Variants in GIPC2 observed in about 807,000 individuals in gnomAD.
The protein encoded by GIPC2 is GIPC PDZ domain containing family member 2.
GIPC2 carries 30 observed loss-of-function variants against 30.6 expected under a neutral mutation model. That is an observed-to-expected ratio of 0.98 (90% CI 0.73 to 1.33). GIPC2 has a LOEUF of 1.33. Ranked by LOEUF, GIPC2 falls within the 40% of genes most tolerant of loss-of-function variation. GIPC2 has a pLI of 0.00. For synonymous variants in GIPC2, 167 were observed against 150.0 expected, an observed-to-expected ratio of 1.11 and a Z score of -0.83; for missense variants, 414 against 390.3, an observed-to-expected ratio of 1.06 and a Z score of -0.51.
Position 78,046,201 on chromosome 1 carries a change from G to A in GIPC2, c.107G>A (p.Arg36Gln), listed in dbSNP as rs1021123141. The change falls in exon 1 of 6, where the codon CGG (arginine) becomes CAG (glutamine). Residue 36 changes from arginine (R) to glutamine (Q), a missense_variant. Physicochemically the swap from Arg to Gln is conservative, Grantham distance 43. Transcript: ENST00000370759. Reference sequence around the variant, plus strand: ...GGCGGCGGGAGCCTCTCAGCGTCCCGGGCTCCCGCACGCAGGCTGGTCTTC... The same window carrying A: ...GGCGGCGGGAGCCTCTCAGCGTCCCAGGCTCCCGCACGCAGGCTGGTCTTC... Reference protein sequence around the residue: ...GAGGGSLSASRAPARRLVFHA... With the variant: ...GAGGGSLSASQAPARRLVFHA... 6.3e-7 allele frequency: 1 copy of A among 1,587,668 alleles called. No individual in the cohort carries two copies. The highest frequency in any genetic ancestry group is 8.6e-7 in the Non-Finnish European group (1 of 1,168,932).
At chr1:78,091,619 G>T in intron 2 of GIPC2, 1 of 768,354 alleles carries the variant, frequency 1.3e-6, no homozygotes, top group Non-Finnish European at 2.4e-6. Flanking sequence ...CGTCGTGTCT[G>T]CCATCCCCAT....
At chr1:78,095,923 C>G (rs1193682603) in intron 3 of GIPC2, among the ~76,000 whole-genome samples, 1 of 152,118 alleles carries the variant, frequency 6.6e-6, no homozygotes, top group Non-Finnish European at 1.5e-5. Context: ...TAGTTTGTCT[C>G]TAATGCCATT....
In GIPC2 at chr1:78,097,466, G is replaced by A. The variant is rs534714892; in HGVS notation, c.607+2334G>A. 1.1e-4 allele frequency among the ~76,000 whole-genome samples: 16 copies of A among 152,228 alleles called. No homozygotes were observed. In the East Asian group the frequency reaches 1.9e-3, roughly 18 times the overall value. ...TCCTACCAACTTCCCTAAAGACTTA[G>A]CCTGGAGAGGCATGTGGACTATATC... is the stretch of plus-strand genomic sequence containing the variant. On this transcript the variant is annotated intron_variant, in intron 3 of 5. Transcript: ENST00000370759.
intron 3 of GIPC2, among the ~76,000 whole-genome samples, chr1:78,109,943 C>T (rs1662431351): frequency 6.6e-6 from 1 of 151,918 alleles, no homozygotes; most frequent in South Asian, 2.1e-4. Context: ...AAGGACAAAA[C>T]ACCAAACACT....
At chr1:78,085,040 C>A (rs1051513870) in intron 2 of GIPC2, among the ~76,000 whole-genome samples, 1 of 152,038 alleles carries the variant, frequency 6.6e-6, no homozygotes. Flanking sequence ...ATGCTTCTGG[C>A]TTTTTTCCAT....
At chr1:78,067,251 T>A (rs1661534856) in intron 1 of GIPC2, among the ~76,000 whole-genome samples, 1 of 152,066 alleles carries the variant, frequency 6.6e-6, no homozygotes, top group Non-Finnish European at 1.5e-5. Context: ...TGGGTTTGAT[T>A]CCTGTAGATG....
intron 1 of GIPC2, among the ~76,000 whole-genome samples, chr1:78,076,926 G>T (rs913203343): frequency 1.7e-4 from 26 of 151,808 alleles, no homozygotes; most frequent in Non-Finnish European, 3.2e-4. Flanking sequence ...CTGCCACCAT[G>T]CCTGGCTATT....
At chr1:78,089,278 C>T (rs571988) in intron 2 of GIPC2, among the ~76,000 whole-genome samples, 34,058 of 152,074 alleles carry the variant, frequency 0.22, 4,147 homozygotes, top group East Asian at 0.49. Context: ...GGCTGTGTAA[C>T]ATTGGCCAAG....
chr1:78,082,050 A>G (rs1410383518), intron 2 of GIPC2, among the ~76,000 whole-genome samples: 3 of 152,150 alleles, frequency 2.0e-5, no homozygotes, highest in Non-Finnish European at 2.9e-5. Context: ...TGAACTTCAT[A>G]TAATCATATA....
intron 1 of GIPC2, among the ~76,000 whole-genome samples, chr1:78,052,457 C>T (rs992430124): frequency 2.0e-5 from 3 of 152,220 alleles, no homozygotes; most frequent in South Asian, 4.1e-4. Context: ...CTCACCAATT[C>T]AGTAGTTAAA....
At chr1:78,046,593 A>G (rs183708110) in intron 1 of GIPC2, among the ~76,000 whole-genome samples, 28 of 152,024 alleles carry the variant, frequency 1.8e-4, no homozygotes, top group Middle Eastern at 3.4e-3. Context: ...GAGGGAGGCA[A>G]CCTTTCTTCC....
At chr1:78,111,995 T>C (rs2100413190) in intron 3 of GIPC2, among the ~76,000 whole-genome samples, 1 of 152,340 alleles carries the variant, frequency 6.6e-6, no homozygotes, top group Non-Finnish European at 1.5e-5. Context: ...AGAGCATTAC[T>C]TACAAGCATC....
At chr1:78,091,434 C>T (rs1037751629) in intron 2 of GIPC2, 2 of 579,930 alleles carry the variant, frequency 3.4e-6, no homozygotes, top group Non-Finnish European at 6.2e-6. Flanking sequence ...AGGGGCGGAG[C>T]CAGGGGCCTT....
At chr1:78,091,182 T>G (rs1662030346) in intron 2 of GIPC2, among the ~76,000 whole-genome samples, 1 of 152,242 alleles carries the variant, frequency 6.6e-6, no homozygotes, top group Admixed American at 6.5e-5. Flanking sequence ...TATTGTGGCT[T>G]AAATTCCTCA....
rs565046927 is a variant in GIPC2, at chr1:78,046,327, C to A, written c.233C>A (p.Pro78Gln). The A allele has an allele frequency of 2.9e-4, 461 of 1,610,204 alleles. 6 individuals are homozygous for A. The South Asian group carries it at 4.8e-3, about 17-fold the overall frequency. The change falls in exon 1 of 6, where the codon CCG becomes CAG. Residue 78 changes from proline (P) to glutamine (Q), a missense_variant. Coordinates refer to ENST00000370759, the MANE Select transcript of GIPC2 (RefSeq NM_017655.6). ...AQIAGAFEIS[P>Q]SEILYCTLNT... is the part of the protein sequence containing the mutation. ...ATCGCGGGCGCGTTTGAAATCTCGC[C>A]GTCGGAGGTAAGGCGCCAGGTGCTC...
intron 3 of GIPC2, among the ~76,000 whole-genome samples, chr1:78,108,896 T>C (rs1662411819): frequency 6.6e-6 from 1 of 152,152 alleles, no homozygotes; most frequent in Non-Finnish European, 1.5e-5. Flanking sequence ...GAGACCATGG[T>C]AAACCCTACT....
intron 5 of GIPC2, among the ~76,000 whole-genome samples, chr1:78,132,936 G>A (rs999944618): frequency 6.6e-6 from 1 of 152,070 alleles, no homozygotes. Flanking sequence ...TACCTGTAAA[G>A]CCTATGAGAA....
At chr1:78,081,300 G>T (rs1487965425) in intron 2 of GIPC2, among the ~76,000 whole-genome samples, 1 of 152,118 alleles carries the variant, frequency 6.6e-6, no homozygotes, top group Non-Finnish European at 1.5e-5. Flanking sequence ...GTATCTGTAG[G>T]TTCTGTATTA....
chr1:78,130,982 T>TAAA (rs200828497), intron 5 of GIPC2, among the ~76,000 whole-genome samples: 1 of 151,402 alleles, frequency 6.6e-6, no homozygotes, highest in African/African-American at 2.4e-5. Flanking sequence ...CTATATGTGG[T>TAAA]AAAAAAAAAT....
Sources: gnomAD v4.1 joint callset for allele counts (sites outside exome capture counted in the v4.1 genomes callset) on GRCh38, gnomAD v4.1.1 for gene constraint, MANE v1.5 for transcripts, NCBI Gene and HGNC (gene_info 2026-07-23, HGNC 2026-07-21) for gene names.